SLC44A2: variants seen among roughly 807,000 people sequenced by gnomAD.
SLC44A2 encodes solute carrier family 44 member 2 (CTL2 blood group).
SLC44A2 carries 57 observed loss-of-function variants against 90.8 expected under a neutral mutation model. The observed-to-expected ratio is 0.63, with a 90% confidence interval of 0.51 to 0.78. The LOEUF (loss-of-function observed/expected upper bound fraction) is 0.78, where lower values mean the gene tolerates loss of function less well. Among genes scored for constraint, SLC44A2 ranks in the 30% least tolerant of loss-of-function variants. SLC44A2 has a pLI of 0.00. For synonymous variants in SLC44A2, 355 were observed against 360.7 expected (o/e 0.98, Z 0.18); for missense variants, 794 against 919.7 (o/e 0.86, Z 1.77).
At chr19:10,642,493 C>A in intron 21 of SLC44A2, 42 bp downstream of exon 21, 1 of 1,578,358 alleles carries the variant, frequency 6.3e-7, no homozygotes, top group Non-Finnish European at 8.7e-7. Flanking sequence ...GCCCCGAATC[C>A]CTTCTTTCCA....
chr19:10,637,941 T>C lies in SLC44A2; in HGVS notation c.1769+12T>C, dbSNP rs1334585936. ...AGAAACATCATCAGGTCGGGAATCA[T>C]TATCATCTTCCTCCTGCCACCCGCC... On this transcript the variant is annotated intron_variant, in intron 18 of 21. Transcript: ENST00000335757. The C allele has an allele frequency of 1.2e-6, 2 of 1,614,102 alleles. No individual in the cohort carries two copies. The highest frequency in any genetic ancestry group is 1.7e-6 in the Non-Finnish European group (2 of 1,179,984).
chr19:10,642,223 G>C, intron 20 of SLC44A2, 144 bp from the exon 21 acceptor site: 2 of 651,360 alleles, frequency 3.1e-6, no homozygotes, highest in Non-Finnish European at 5.6e-6. Flanking sequence ...CCCTGCCAGC[G>C]GGGGTGAGGG....
intron 21 of SLC44A2, chr19:10,642,780 T>A: frequency 1.6e-6 from 2 of 1,289,516 alleles, no homozygotes; most frequent in Admixed American, 2.8e-5. Flanking sequence ...GTTTGTTTTT[T>A]TCTTCTCTCT....
intron 1 of SLC44A2, among the ~76,000 whole-genome samples, chr19:10,607,492 G>A (rs1005904588): frequency 4.6e-5 from 7 of 150,704 alleles, no homozygotes; most frequent in Non-Finnish European, 1.0e-4. Context: ...TTGAGACTAC[G>A]GGTGTGTGCC....
intron 1 of SLC44A2, among the ~76,000 whole-genome samples, chr19:10,603,492 G>T (rs941901862): frequency 1.3e-5 from 2 of 152,224 alleles, no homozygotes; most frequent in Non-Finnish European, 2.9e-5. Context: ...CCCTGGGGAG[G>T]GGGCCGGAAA....
intron 21 of SLC44A2, chr19:10,642,890 A>G (rs767855221): frequency 5.1e-6 from 8 of 1,564,766 alleles, no homozygotes; most frequent in Non-Finnish European, 5.1e-6. Context: ...TCCCGGGGGG[A>G]GCCCAGGTGA....
upstream of SLC44A2, among the ~76,000 whole-genome samples, chr19:10,620,860 C>T (rs147963203): frequency 6.6e-5 from 10 of 151,958 alleles, no homozygotes; most frequent in Admixed American, 1.3e-4. Context: ...GGCAACATAG[C>T]GAGACACTGG....
rs1005696249 is a variant in SLC44A2, at chr19:10,643,706, G to C, written c.*321G>C. The C allele has an allele frequency of 4.7e-5, 12 of 252,938 alleles. No individual in the cohort carries two copies. Among genetic ancestry groups the C allele is most frequent in the African/African-American group, 2.7e-4 (12 of 44,052 alleles). The allele number at this position is 252,938 out of a possible 1,614,324, so 15.7% of individuals were successfully genotyped here. A position where few individuals can be genotyped will look rare whatever the true frequency, so the allele number is the denominator to read the frequency against. ...CATGCTTCCTGTCCCCCGCTTACAC[G>C]ACAACGGGCCAGACCACAGGAAGGA... On this transcript the variant is annotated 3_prime_UTR_variant, in exon 22 of 22. Coordinates refer to ENST00000335757, the MANE Select transcript of SLC44A2 (RefSeq NM_020428.4).
At chr19:10,625,696 C>A (rs971093694) in intron 1 of SLC44A2, 26 bp downstream of exon 1, 30 of 1,246,514 alleles carry the variant, frequency 2.4e-5, no homozygotes, top group African/African-American at 3.1e-5. Flanking sequence ...CGCCCGTAGC[C>A]CCGGGCCGAC....
intron 1 of SLC44A2, among the ~76,000 whole-genome samples, chr19:10,614,696 C>T (rs8105633): frequency 0.022 from 3,337 of 152,102 alleles, 138 homozygotes; most frequent in African/African-American, 0.075. Context: ...TGTGGCTGGG[C>T]GCGGTGGCTC....
upstream of SLC44A2, among the ~76,000 whole-genome samples, chr19:10,622,597 T>C (rs147277096): frequency 6.5e-4 from 98 of 151,786 alleles, no homozygotes; most frequent in Middle Eastern, 6.8e-3. Context: ...AGCGGAGTCA[T>C]GGGATAATCA....
intron 1 of SLC44A2, among the ~76,000 whole-genome samples, chr19:10,604,398 G>T (rs1918042290): frequency 6.6e-6 from 1 of 152,234 alleles, no homozygotes; most frequent in African/African-American, 2.4e-5. Flanking sequence ...TTGATTGCTT[G>T]AAGTAGGGGT....
At chr19:10,608,806 G>A (rs10418550) in intron 1 of SLC44A2, among the ~76,000 whole-genome samples, 44,189 of 151,102 alleles carry the variant, frequency 0.29, 7,406 homozygotes, top group Non-Finnish European at 0.4. Flanking sequence ...TCGAGTTACC[G>A]TGCCCGATTA....
intron 8 of SLC44A2, 40 bp from the exon 9 acceptor site, chr19:10,631,828 G>A: frequency 6.2e-7 from 1 of 1,614,230 alleles, no homozygotes; most frequent in Non-Finnish European, 8.5e-7. Context: ...GCCTGATCAT[G>A]GAAGAGGGTC....
In SLC44A2 at chr19:10,635,527, C is replaced by G. The variant is rs781418393; in HGVS notation, c.1233+12C>G. ...CCTGCAACCCAGAGGTGGGCGTCCC[C>G]GGGGTGGGGAGGGCAGGTATTGCCC... On this transcript the variant is annotated intron_variant, in intron 14 of 21. Coordinates refer to ENST00000335757, the MANE Select transcript of SLC44A2 (RefSeq NM_020428.4). The G allele has an allele frequency of 6.2e-7, 1 of 1,609,558 alleles. No homozygotes were observed. Among genetic ancestry groups the G allele is most frequent in the Admixed American group, 1.7e-5 (1 of 58,222 alleles).
intron 20 of SLC44A2, among the ~76,000 whole-genome samples, chr19:10,639,313 TG>T (rs1292900672): frequency 6.6e-6 from 1 of 152,142 alleles, no homozygotes; most frequent in Non-Finnish European, 1.5e-5. Flanking sequence ...CCTTAGAGTT[TG>T]GGGGTAAACA....
At chr19:10,625,757 G>T (rs2066926540) in intron 1 of SLC44A2, 87 bp downstream of exon 1, 3 of 1,117,746 alleles carry the variant, frequency 2.7e-6, no homozygotes, top group Admixed American at 4.1e-5. Context: ...GCAGGGAAGG[G>T]GGCTGGAGGG....
At chr19:10,628,072 T>C (rs2066953797) in intron 4 of SLC44A2, 68 bp downstream of exon 4, 79 of 1,379,050 alleles carry the variant, frequency 5.7e-5, no homozygotes, top group Non-Finnish European at 7.8e-5. Context: ...GCATTCCCCA[T>C]CTCTCTAAGT....
intron 20 of SLC44A2, among the ~76,000 whole-genome samples, chr19:10,639,754 A>G (rs987684595): frequency 1.9e-4 from 29 of 152,030 alleles, no homozygotes; most frequent in African/African-American, 5.8e-4. Flanking sequence ...GGTTGTGGGC[A>G]CCTGTAATCC....
Sources: allele counts gnomAD v4.1 joint callset (sites outside exome capture counted in the v4.1 genomes callset), GRCh38; gene constraint gnomAD v4.1.1; transcripts MANE v1.5; gene names NCBI Gene and HGNC (gene_info 2026-07-23, HGNC 2026-07-21).